Variants in KSR2 observed in about 807,000 individuals in gnomAD.
The protein encoded by KSR2 is kinase suppressor of ras 2.
A neutral mutation model predicts 107.8 loss-of-function variants in KSR2; 25 were observed. The observed-to-expected ratio is 0.23, with a 90% CI of 0.17 to 0.32. The LOEUF is 0.32. KSR2 is among the 10% of genes least tolerant of loss of function. The pLI, the probability that KSR2 is intolerant of heterozygous loss-of-function variation, is 1.00. For missense variants in KSR2, 887 were observed against 1,268.9 expected (o/e 0.70, Z 4.57); for synonymous variants, 480 against 507.0 (o/e 0.95, Z 0.71).
intron 1 of KSR2, among the ~76,000 whole-genome samples, chr12:117,894,134 C>A (rs1894434913): frequency 6.6e-6 from 1 of 152,082 alleles, no homozygotes; most frequent in Admixed American, 6.5e-5. Context: ...TGGTTTCCAT[C>A]TCCTGACCTC....
chr12:117,770,130 G>C lies in KSR2; in HGVS notation c.473-8606C>G, dbSNP rs529673579. Among the ~76,000 whole-genome samples, 4 of 152,238 alleles carry C rather than the reference G, an allele frequency of 2.6e-5. No homozygotes were observed. The South Asian group carries it at 6.2e-4, about 24-fold the overall frequency. ...TAACTCTGACAGAAAGAAAGCTCAG[G>C]GTTATCAGAAGCCTTTATTTTGGGT... is the stretch of plus-strand genomic sequence containing the variant. On this transcript the variant is annotated intron_variant, in intron 3 of 19. Coordinates refer to ENST00000339824, the MANE Select transcript of KSR2 (RefSeq NM_173598.6).
At chr12:117,736,157 C>T (rs141633465) in intron 4 of KSR2, among the ~76,000 whole-genome samples, 2 of 152,330 alleles carry the variant, frequency 1.3e-5, no homozygotes, top group African/African-American at 2.4e-5. Flanking sequence ...GCCCAGCCAA[C>T]TCAAATACAT....
At chr12:117,657,000 A>AG (rs1479197619) in intron 5 of KSR2, among the ~76,000 whole-genome samples, 12 of 140,512 alleles carry the variant, frequency 8.5e-5, no homozygotes, top group African/African-American at 2.9e-4. Context: ...ATATATATAT[A>AG]TATATATATA....
intron 5 of KSR2, among the ~76,000 whole-genome samples, chr12:117,649,009 C>T (rs1883776390): frequency 6.6e-6 from 1 of 152,208 alleles, no homozygotes; most frequent in African/African-American, 2.4e-5. Flanking sequence ...GATAATGATA[C>T]TTTGTCCATC....
chr12:117,851,626 C>T (rs990563254), intron 3 of KSR2, among the ~76,000 whole-genome samples: 1 of 152,054 alleles, frequency 6.6e-6, no homozygotes, highest in Non-Finnish European at 1.5e-5. Context: ...CACGGTGGCT[C>T]ATACCTGTAA....
chr12:117,794,619 A>G (rs1890547209), intron 3 of KSR2, among the ~76,000 whole-genome samples: 1 of 148,400 alleles, frequency 6.7e-6, no homozygotes, highest in Non-Finnish European at 1.5e-5. Flanking sequence ...GCACACATAC[A>G]CCATACACAC....
chr12:117,627,291 A>G (rs1049126581), intron 5 of KSR2, among the ~76,000 whole-genome samples: 3 of 152,122 alleles, frequency 2.0e-5, no homozygotes, highest in African/African-American at 7.2e-5. Context: ...GTTTCTTCCT[A>G]GCATTAGTGG....
chr12:117,646,373 C>T (rs1883640581), intron 5 of KSR2, among the ~76,000 whole-genome samples: 3 of 152,156 alleles, frequency 2.0e-5, no homozygotes, highest in Admixed American at 6.5e-5. Context: ...ACTGGGTCCT[C>T]GTGGCAGCTC....
chr12:117,953,586 C>T (rs1896427120), intron 1 of KSR2, among the ~76,000 whole-genome samples: 1 of 152,168 alleles, frequency 6.6e-6, no homozygotes, highest in Admixed American at 6.6e-5. Flanking sequence ...ATGCTACTTA[C>T]ATGAGGTACC....
intron 5 of KSR2, among the ~76,000 whole-genome samples, chr12:117,637,084 C>T (rs1306490645): frequency 2.6e-5 from 4 of 151,550 alleles, no homozygotes; most frequent in Admixed American, 6.6e-5. Flanking sequence ...GAAATGCAAA[C>T]TGAAATTAAA....
At chr12:117,497,483 C>T (rs541383925) in intron 14 of KSR2, among the ~76,000 whole-genome samples, 4 of 152,242 alleles carry the variant, frequency 2.6e-5, no homozygotes, top group East Asian at 1.9e-4. Context: ...AATCCCTCCA[C>T]GCAGGGCAGC....
intron 5 of KSR2, among the ~76,000 whole-genome samples, chr12:117,664,703 T>G (rs1229165210): frequency 6.6e-6 from 1 of 151,950 alleles, no homozygotes; most frequent in Non-Finnish European, 1.5e-5. Context: ...GAGACCCAGA[T>G]AGAGGAAGGA....
chr12:117,660,587 C>T (rs2136463276), intron 5 of KSR2, among the ~76,000 whole-genome samples: 1 of 152,244 alleles, frequency 6.6e-6, no homozygotes, highest in East Asian at 1.9e-4. Context: ...CTGCCAACAC[C>T]CTATTTCCAA....
chr12:117,500,371 C>A (rs758027421), intron 14 of KSR2, among the ~76,000 whole-genome samples: 1 of 152,148 alleles, frequency 6.6e-6, no homozygotes, highest in African/African-American at 2.4e-5. Flanking sequence ...TAATAAGTGG[C>A]ATTTCTGAAC....
intron 6 of KSR2, among the ~76,000 whole-genome samples, chr12:117,581,136 T>G (rs540936124): frequency 6.6e-6 from 1 of 152,302 alleles, no homozygotes; most frequent in Non-Finnish European, 1.5e-5. Flanking sequence ...TTAACAACTA[T>G]CCTGTCAACA....
At position 117,880,569 on chromosome 12, in the gene KSR2, C is replaced by G. The variant is rs529784694; in HGVS notation, c.181-20138G>C. ...AGACAAGTTATGAGGCAGACCTGGGCTGGGAGGGATGGAAAACAAGGCAGA... is the reference window on the plus strand; with the variant it reads ...AGACAAGTTATGAGGCAGACCTGGGGTGGGAGGGATGGAAAACAAGGCAGA... On this transcript the variant is annotated intron_variant, in intron 1 of 19. Transcript: ENST00000339824. 1.9e-4 allele frequency among the ~76,000 whole-genome samples: 29 copies of G among 152,076 alleles called. 1 individual carries two copies. In the South Asian group the frequency reaches 6.0e-3, roughly 32 times the overall value.
intron 4 of KSR2, among the ~76,000 whole-genome samples, chr12:117,715,044 C>A (rs1886926369): frequency 6.6e-6 from 1 of 152,066 alleles, no homozygotes; most frequent in Non-Finnish European, 1.5e-5. Flanking sequence ...TGGTGGTGAG[C>A]AGGTATTTTG....
At chr12:117,545,364 T>C (rs767124660) in intron 9 of KSR2, among the ~76,000 whole-genome samples, 27 of 152,288 alleles carry the variant, frequency 1.8e-4, no homozygotes, top group Non-Finnish European at 3.8e-4. Flanking sequence ...TTGTGTACAG[T>C]TGGTGTTAAT....
At chr12:117,794,623 T>TAC (rs369623510) in intron 3 of KSR2, among the ~76,000 whole-genome samples, 7 of 137,900 alleles carry the variant, frequency 5.1e-5, no homozygotes, top group Non-Finnish European at 7.8e-5. Context: ...ACATACACCA[T>TAC]ACACACACAC....
Sources: allele counts gnomAD v4.1 joint callset (sites outside exome capture counted in the v4.1 genomes callset), GRCh38; gene constraint gnomAD v4.1.1; transcripts MANE v1.5; gene names NCBI Gene and HGNC (gene_info 2026-07-23, HGNC 2026-07-21).